Variants in LOXHD1 observed in about 807,000 individuals in gnomAD.
The protein encoded by LOXHD1 is lipoxygenase homology domain-containing protein 1.
In LOXHD1, 205 loss-of-function variants were observed where a neutral mutation model predicts 248.2. The ratio of observed to expected loss-of-function variants is 0.83; its 90% confidence interval spans 0.74 to 0.93. The LOEUF (loss-of-function observed/expected upper bound fraction) is 0.93, where lower values mean the gene tolerates loss of function less well. Ranked by LOEUF, LOXHD1 falls within the 40% of genes least tolerant of loss-of-function variation. The probability of loss-of-function intolerance (pLI) is 0.00; values close to 1 mark genes in which losing one functional copy is unlikely to be tolerated. For missense variants in LOXHD1, 2,930 were observed against 2,971.6 expected, an observed-to-expected ratio of 0.99 and a Z score of 0.33; for synonymous variants, 1,113 against 1,162.8, an observed-to-expected ratio of 0.96 and a Z score of 0.87.
intron 35 of LOXHD1, among the ~76,000 whole-genome samples, chr18:46,508,731 G>A (rs1004763974): frequency 5.3e-5 from 8 of 152,174 alleles, no homozygotes; most frequent in African/African-American, 1.4e-4. Context: ...CATCTTTGTC[G>A]GCATAGTCAT....
At chr18:46,555,728 C>G (rs969232539) in intron 21 of LOXHD1, among the ~76,000 whole-genome samples, 1 of 152,128 alleles carries the variant, frequency 6.6e-6, no homozygotes, top group Non-Finnish European at 1.5e-5. Flanking sequence ...TGCCCTTGGG[C>G]CCCTTACACC....
At chr18:46,572,915 C>T (rs555356979) in intron 14 of LOXHD1, among the ~76,000 whole-genome samples, 4 of 143,802 alleles carry the variant, frequency 2.8e-5, no homozygotes, top group South Asian at 2.3e-4. Flanking sequence ...CCCAGCTACT[C>T]GGGAGGCTGA....
chr18:46,576,819 G>A lies in LOXHD1; in HGVS notation c.1970+888C>T, dbSNP rs182966866. Among the ~76,000 whole-genome samples, 804 of 152,286 alleles carry A rather than the reference G, an allele frequency of 5.3e-3. 3 individuals carry two copies. Among genetic ancestry groups the A allele is most frequent in the Non-Finnish European group, 9.1e-3 (619 of 68,004 alleles). ...GCTAAGTAATTCAGCTGCAGCAGAT[G>A]TGTGCCTGTGTGTGTGCGCCTGTAG... On this transcript the variant is annotated intron_variant, in intron 14 of 40. Transcript: ENST00000642948.
rs1295956550 is a variant in LOXHD1, at chr18:46,639,721, G to A, written c.406C>T (p.Leu136Phe). 9.0e-6 allele frequency: 14 copies of A among 1,551,742 alleles called. No homozygotes were observed. The highest frequency in any genetic ancestry group is 1.1e-5 in the Non-Finnish European group (13 of 1,147,012). The change falls in exon 4 of 41, where the codon CTC (leucine) becomes TTC (phenylalanine). Residue 136 changes from leucine to phenylalanine, a missense_variant. Physicochemically the swap from Leu to Phe is conservative, Grantham distance 22. Transcript: ENST00000642948. ...VIVTDMKRPHLRYYFNCNNWL... is the reference protein window; with the variant it reads ...VIVTDMKRPHFRYYFNCNNWL... ...TTGTTGCAGTTGAAGTAGTAACGGA[G>A]ATGAGGCCTCTTCATGTCGGTCACA...
In LOXHD1 at chr18:46,477,566, C is replaced by T. The variant is rs2032111754; in HGVS notation, c.6728G>A (p.Ser2243Asn). 5 of 1,551,606 alleles carry T rather than the reference C, an allele frequency of 3.2e-6. No individual in the cohort carries two copies. Among genetic ancestry groups the T allele is most frequent in the Non-Finnish European group, 4.4e-6 (5 of 1,147,016 alleles). Reference protein sequence around the residue: ...LVEKVEVTNTSTGVATIFNCG... With the variant: ...LVEKVEVTNTNTGVATIFNCG... ...GTTGAAGATGGTGGCCACGCCGGTG[C>T]TGGTGTTGGTGACCTCCACCTTCTC... is the stretch of plus-strand genomic sequence containing the variant. Residue 2243 changes from serine (S) to asparagine (N), a missense_variant, in exon 41 of 41, where the codon AGC becomes AAC. Physicochemically the swap from Ser to Asn is conservative, Grantham distance 46 (BLOSUM62 1). Transcript: ENST00000642948.
rs145381276 is a variant in LOXHD1 at position 46,605,546 on chromosome 18, A to G, written c.760-1317T>C. 1.8e-3 allele frequency among the ~76,000 whole-genome samples: 268 copies of G among 152,276 alleles called. 1 individual carries two copies. Among genetic ancestry groups the G allele is most frequent in the Non-Finnish European group, 1.1e-3 (73 of 68,030 alleles). ...TAAAAATAAAAGAAATAAAAAGTATATAGATTTTTAGGAATGCATCTCTTG... is the reference window on the plus strand; with the variant it reads ...TAAAAATAAAAGAAATAAAAAGTATGTAGATTTTTAGGAATGCATCTCTTG... On this transcript the variant is annotated intron_variant, in intron 6 of 40. Coordinates refer to ENST00000642948, the MANE Select transcript of LOXHD1 (RefSeq NM_001384474.1).
Position 46,522,174 on chromosome 18 carries a change from C to T in LOXHD1, c.5012G>A (p.Arg1671Lys), listed in dbSNP as rs1384884785. Residue 1671 changes from arginine to lysine, a missense_variant, in exon 32 of 41, where the codon AGG (arginine) becomes AAG (lysine). Physicochemically the swap from Arg to Lys is conservative, Grantham distance 26. Coordinates refer to ENST00000642948, the MANE Select transcript of LOXHD1 (RefSeq NM_001384474.1). ...RIWLDYPRGK[R>K]GFSRGSVEEF... ...CTCCACAGAGCCACGGCTGAAGCCC[C>T]TCTTCCCTCGGGGGTAGTCCAACCA... 3.0e-5 allele frequency: 46 copies of T among 1,551,756 alleles called. No homozygotes were observed. Among genetic ancestry groups the T allele is most frequent in the South Asian group, 5.9e-5 (5 of 84,056 alleles).
intron 3 of LOXHD1, 69 bp from the exon 4 acceptor site, chr18:46,639,869 A>G: frequency 6.6e-7 from 1 of 1,515,930 alleles, no homozygotes; most frequent in Non-Finnish European, 9.0e-7. Context: ...ATACTGGAAT[A>G]CCCAGATGTT....
chr18:46,609,525 T>C (rs368114026), intron 6 of LOXHD1, among the ~76,000 whole-genome samples: 1 of 152,242 alleles, frequency 6.6e-6, no homozygotes, highest in African/African-American at 2.4e-5. Flanking sequence ...TTTCTCAAAA[T>C]ACTTTTTCAA....
chr18:46,632,470 G>A (rs2038837813), intron 4 of LOXHD1, among the ~76,000 whole-genome samples: 1 of 152,166 alleles, frequency 6.6e-6, no homozygotes, highest in African/African-American at 2.4e-5. Context: ...CTGCAGGCAG[G>A]GGAGACAGTG....
At chr18:46,537,132 C>G (rs969167450) in intron 26 of LOXHD1, among the ~76,000 whole-genome samples, 7 of 152,164 alleles carry the variant, frequency 4.6e-5, no homozygotes, top group Non-Finnish European at 7.3e-5. Context: ...AGATCCAACT[C>G]AAAGCCACCT....
At chr18:46,572,266 T>A in intron 14 of LOXHD1, 104 bp from the exon 15 acceptor site, 1 of 1,003,112 alleles carries the variant, frequency 1.0e-6, no homozygotes, top group Non-Finnish European at 1.5e-6. Flanking sequence ...GAGCTTTGAC[T>A]TTAGCAAAGT....
intron 21 of LOXHD1, among the ~76,000 whole-genome samples, chr18:46,550,690 T>C (rs1049188307): frequency 6.7e-6 from 1 of 150,172 alleles, no homozygotes; most frequent in Non-Finnish European, 1.5e-5. Flanking sequence ...TCAACCAGGG[T>C]CCCTGAGTGA....
intron 10 of LOXHD1, among the ~76,000 whole-genome samples, chr18:46,593,160 T>C (rs1453827124): frequency 6.6e-6 from 1 of 152,098 alleles, no homozygotes; most frequent in Non-Finnish European, 1.5e-5. Flanking sequence ...ATCTTTGCTC[T>C]AGTTTTATGC....
In LOXHD1 at chr18:46,572,124, C is replaced by A. The variant is rs752914517; in HGVS notation, c.2009G>T (p.Arg670Leu). The change falls in exon 15 of 41, where the codon CGA becomes CTA. Residue 670 changes from arginine (R) to leucine (L), a missense_variant. By Grantham distance (102) the Arg-to-Leu change is moderately radical. Transcript: ENST00000642948. ...GCTGCTGTCACTGGGTAGCAACTCT[C>A]GGACCAGCTGCCCATCATCCTTATC... is the stretch of plus-strand genomic sequence containing the variant. Reference protein sequence around the residue: ...DKDKDDGQLVRELLPSDSSAT... With the variant: ...DKDKDDGQLVLELLPSDSSAT... 6 of 1,551,748 alleles carry A rather than the reference C, an allele frequency of 3.9e-6. No homozygotes were observed.
At chr18:46,497,916 A>G (rs1452277) in intron 37 of LOXHD1, among the ~76,000 whole-genome samples, 72,936 of 151,976 alleles carry the variant, frequency 0.48, 18,448 homozygotes, top group East Asian at 0.68. Flanking sequence ...CAGGATGCAC[A>G]GTGGGAGTTA....
intron 6 of LOXHD1, among the ~76,000 whole-genome samples, chr18:46,607,686 T>C (rs1218149146): frequency 6.6e-6 from 1 of 151,914 alleles, no homozygotes; most frequent in African/African-American, 2.4e-5. Flanking sequence ...GAAATATACA[T>C]TGACAGGAGA....
chr18:46,601,577 A>C, intron 7 of LOXHD1, 110 bp from the exon 8 acceptor site: 2 of 1,402,518 alleles, frequency 1.4e-6, no homozygotes, highest in Non-Finnish European at 2.0e-6. Context: ...CCTCCTCCAC[A>C]CATCCTCTTT....
At chr18:46,536,071 C>T (rs577497146) in intron 26 of LOXHD1, among the ~76,000 whole-genome samples, 81 of 152,302 alleles carry the variant, frequency 5.3e-4, no homozygotes, top group African/African-American at 1.9e-3. Flanking sequence ...TTTTAAGACA[C>T]CTTGAGTAAG....
Sources: gnomAD v4.1 joint callset for allele counts (sites outside exome capture counted in the v4.1 genomes callset) on GRCh38, gnomAD v4.1.1 for gene constraint, MANE v1.5 for transcripts, NCBI Gene and HGNC (gene_info 2026-07-23, HGNC 2026-07-21) for gene names.